PLCL1: variants seen among roughly 807,000 people sequenced by gnomAD.
The protein encoded by PLCL1 is phospholipase C like 1 (inactive).
In PLCL1, 41 loss-of-function variants were observed where a neutral mutation model predicts 84.4. That is an observed-to-expected ratio of 0.49 (90% CI 0.38 to 0.63). The LOEUF (loss-of-function observed/expected upper bound fraction) is 0.63, where lower values mean the gene tolerates loss of function less well. Among genes scored for constraint, PLCL1 ranks in the 30% least tolerant of loss-of-function variants. The pLI is 0.00. For missense variants in PLCL1, 1,206 were observed against 1,367.8 expected, an observed-to-expected ratio of 0.88 and a Z score of 1.87; for synonymous variants, 490 against 488.3, an observed-to-expected ratio of 1.00 and a Z score of -0.05.
intron 1 of PLCL1, among the ~76,000 whole-genome samples, chr2:198,000,808 A>G (rs1369166334): frequency 1.3e-5 from 2 of 151,758 alleles, no homozygotes; most frequent in Admixed American, 6.6e-5. Context: ...TTTAAGGTCC[A>G]TATTTCTGAG....
intron 1 of PLCL1, among the ~76,000 whole-genome samples, chr2:197,949,525 CTT>C (rs1050031205): frequency 1.1e-4 from 17 of 152,114 alleles, no homozygotes; most frequent in African/African-American, 4.1e-4. Context: ...GTGAAAATAC[CTT>C]GATAATTCAC....
chr2:198,051,258 G>A (rs1214367209), intron 1 of PLCL1, among the ~76,000 whole-genome samples: 1 of 152,008 alleles, frequency 6.6e-6, no homozygotes, highest in African/African-American at 2.4e-5. Context: ...AAAATATAGA[G>A]GATTGAGAAA....
chr2:198,033,761 G>A (rs1311109966), intron 1 of PLCL1, among the ~76,000 whole-genome samples: 3 of 152,034 alleles, frequency 2.0e-5, no homozygotes, highest in Non-Finnish European at 4.4e-5. Context: ...TATTGCTGCT[G>A]CCTCTTTCTT....
intron 1 of PLCL1, among the ~76,000 whole-genome samples, chr2:197,865,395 A>T (rs74481750): frequency 1.3e-5 from 2 of 152,314 alleles, no homozygotes; most frequent in East Asian, 3.9e-4. Flanking sequence ...AAAATTGGAA[A>T]GTAAACCTGG....
At chr2:198,145,634 A>G (rs1049819699) in intron 5 of PLCL1, among the ~76,000 whole-genome samples, 2 of 152,220 alleles carry the variant, frequency 1.3e-5, no homozygotes, top group African/African-American at 2.4e-5. Flanking sequence ...TAATCATCCC[A>G]TATAATTAAA....
intron 5 of PLCL1, among the ~76,000 whole-genome samples, chr2:198,120,357 T>C (rs572819609): frequency 3.5e-4 from 53 of 152,044 alleles, no homozygotes; most frequent in Non-Finnish European, 7.1e-4. Flanking sequence ...TTTTTAAATA[T>C]ACAATTAAAT....
At chr2:198,015,194 G>T (rs2105833892) in intron 1 of PLCL1, among the ~76,000 whole-genome samples, 1 of 151,830 alleles carries the variant, frequency 6.6e-6, no homozygotes, top group Non-Finnish European at 1.5e-5. Context: ...TACTGTTCTT[G>T]CCTATCTATC....
intron 5 of PLCL1, among the ~76,000 whole-genome samples, chr2:198,129,620 A>C (rs1463898130): frequency 6.6e-6 from 1 of 152,094 alleles, no homozygotes; most frequent in Non-Finnish European, 1.5e-5. Flanking sequence ...TGGTCCTCAC[A>C]TTTGGCTCAG....
At chr2:198,139,464 C>T (rs1694333031) in intron 5 of PLCL1, among the ~76,000 whole-genome samples, 1 of 152,126 alleles carries the variant, frequency 6.6e-6, no homozygotes, top group African/African-American at 2.4e-5. Context: ...TAATTGCATT[C>T]ATATTAAGTA....
intron 2 of PLCL1, among the ~76,000 whole-genome samples, chr2:198,087,895 T>C (rs1028087832): frequency 1.3e-5 from 2 of 152,186 alleles, no homozygotes. Context: ...ATCATTCATG[T>C]GCAGAACCAC....
chr2:197,991,693 C>T (rs577024250), intron 1 of PLCL1, among the ~76,000 whole-genome samples: 32 of 152,284 alleles, frequency 2.1e-4, no homozygotes, highest in African/African-American at 7.2e-4. Context: ...TAAAGCTTCC[C>T]CTTTCTCCCA....
At chr2:197,901,555 G>T (rs979007769) in intron 1 of PLCL1, among the ~76,000 whole-genome samples, 2 of 152,186 alleles carry the variant, frequency 1.3e-5, no homozygotes, top group Admixed American at 1.3e-4. Flanking sequence ...TCAGGCAACA[G>T]CAATGTTCCA....
intron 1 of PLCL1, among the ~76,000 whole-genome samples, chr2:197,872,892 G>A (rs1191634493): frequency 2.6e-5 from 4 of 152,094 alleles, no homozygotes; most frequent in African/African-American, 9.7e-5. Context: ...CTCTTAGTAG[G>A]CATTAGCACA....
chr2:198,054,958 T>C (rs905554187), intron 1 of PLCL1, among the ~76,000 whole-genome samples: 6 of 152,122 alleles, frequency 3.9e-5, no homozygotes, highest in Non-Finnish European at 7.4e-5. Flanking sequence ...TGACCTCAGA[T>C]GAAAAACAAA....
chr2:198,055,141 G>T lies in PLCL1; in HGVS notation c.241-28617G>T, dbSNP rs181017419. On this transcript the variant is annotated intron_variant, in intron 1 of 5. Coordinates refer to ENST00000428675, the MANE Select transcript of PLCL1 (RefSeq NM_006226.4). ...CTTAGTCACGTTGTACAGGTCGAAG[G>T]TTCTGGGAAGAAACAGCTAGTGCTC... Among the ~76,000 whole-genome samples the T allele has an allele frequency of 3.1e-3, 467 of 152,126 alleles. 2 individuals are homozygous for T. Among genetic ancestry groups the T allele is most frequent in the Non-Finnish European group, 3.9e-3 (267 of 67,994 alleles).
chr2:197,821,157 T>G (rs1208368551), intron 1 of PLCL1, among the ~76,000 whole-genome samples: 1 of 152,168 alleles, frequency 6.6e-6, no homozygotes, highest in East Asian at 1.9e-4. Flanking sequence ...ATTCTGTTTT[T>G]CAGTGTTCAG....
At chr2:198,108,174 T>C (rs1168839700) in intron 5 of PLCL1, among the ~76,000 whole-genome samples, 3 of 151,954 alleles carry the variant, frequency 2.0e-5, no homozygotes, top group Non-Finnish European at 4.4e-5. Flanking sequence ...TAAATGCTCT[T>C]TGTTTATAAG....
Position 197,872,310 on chromosome 2 carries a change from C to T in PLCL1, c.240+66971C>T, listed in dbSNP as rs1437552013. ...AATCAGCACAATACCAATCACCTAT[C>T]CTATTAATTTCTTTATACTAAGTCT... On this transcript the variant is annotated intron_variant, in intron 1 of 5. Transcript: ENST00000428675. Among the ~76,000 whole-genome samples, 7 of 152,100 alleles carry T rather than the reference C, an allele frequency of 4.6e-5. No homozygotes were observed. In the East Asian group the frequency reaches 1.4e-3, roughly 29 times the overall value.
intron 1 of PLCL1, among the ~76,000 whole-genome samples, chr2:197,822,652 T>A (rs1485458424): frequency 6.6e-6 from 1 of 152,190 alleles, no homozygotes; most frequent in East Asian, 1.9e-4. Flanking sequence ...ACAGACAGGT[T>A]AAGTATTTGC....
Sources: allele counts gnomAD v4.1 joint callset (sites outside exome capture counted in the v4.1 genomes callset), GRCh38; gene constraint gnomAD v4.1.1; transcripts MANE v1.5; gene names NCBI Gene and HGNC (gene_info 2026-07-23, HGNC 2026-07-21).